Variants in ODF2L observed in about 807,000 individuals in gnomAD.
The protein encoded by ODF2L is protein BCAP.
In ODF2L, 76 loss-of-function variants were observed where a neutral mutation model predicts 86.3. The observed-to-expected ratio is 0.88, with a 90% CI of 0.73 to 1.07. ODF2L has a LOEUF of 1.07. Ranked by LOEUF, ODF2L falls within the 50% of genes least tolerant of loss-of-function variation. The pLI is 0.00. For missense variants in ODF2L, 748 were observed against 717.4 expected (o/e 1.04, Z -0.49); for synonymous variants, 241 against 231.3 (o/e 1.04, Z -0.38).
At chr1:86,355,636 A>C (rs1454195977) in intron 14 of ODF2L, among the ~76,000 whole-genome samples, 1 of 152,126 alleles carries the variant, frequency 6.6e-6, no homozygotes, top group Admixed American at 6.6e-5. Context: ...ATCAAGTATT[A>C]AGCCTAGTAC....
At chr1:86,385,294 G>T (rs1660867560) in intron 3 of ODF2L, among the ~76,000 whole-genome samples, 164 bp downstream of exon 3, 1 of 151,954 alleles carries the variant, frequency 6.6e-6, no homozygotes, top group Non-Finnish European at 1.5e-5. Context: ...TTCAGGAAAA[G>T]AACTGTAGTT....
chr1:86,358,443 C>T (rs1658758690), intron 13 of ODF2L: 1 of 153,322 alleles, frequency 6.5e-6, no homozygotes, highest in South Asian at 2.1e-4. Context: ...CATTTATAAC[C>T]AGAAAAAAAG....
chr1:86,360,403 A>G (rs759449407), intron 12 of ODF2L, 23 bp downstream of exon 11: 1 of 1,042,406 alleles, frequency 9.6e-7, no homozygotes, highest in Non-Finnish European at 1.5e-6. Context: ...TTTAGTAAAC[A>G]CTAAAATAAA....
chr1:86,383,240 C>G lies in ODF2L; in HGVS notation c.373-44G>C, dbSNP rs746224740. On this transcript the variant is annotated intron_variant, in intron 4 of 17. Coordinates refer to ENST00000317336, the Ensembl canonical transcript of ODF2L. The stretch of plus-strand genomic sequence containing the variant: ...AAATCAGTGATCGCAAATTATATTT[C>G]TCTATATAAAAAAGTAGGAAGTGAA... The G allele has an allele frequency of 1.4e-5, 14 of 1,007,888 alleles. No homozygotes were observed. In the East Asian group the frequency reaches 3.3e-4, roughly 24 times the overall value. 62.4% of individuals were successfully genotyped at this position (1,007,888 alleles called of 1,614,324 possible).
chr1:86,384,097 A>C (rs1279333619), intron 4 of ODF2L, among the ~76,000 whole-genome samples: 2 of 151,848 alleles, frequency 1.3e-5, no homozygotes, highest in African/African-American at 4.8e-5. Flanking sequence ...GTAACTTTTT[A>C]ATTACAAAAA....
intron 11 of ODF2L, among the ~76,000 whole-genome samples, chr1:86,361,381 T>C (rs964202612): frequency 1.3e-5 from 2 of 152,194 alleles, no homozygotes; most frequent in African/African-American, 2.4e-5. Context: ...AAATTTCTTA[T>C]AGCAGGCAGT....
chr1:86,371,001 ACACT>A lies in ODF2L; in HGVS notation c.1056+13_1056+16del. On this transcript the variant is annotated intron_variant, in intron 10 of 17. Transcript: ENST00000317336. ...CATTACACAATACATGCCTGCTCAA[ACACT>A]CATACATAGTACCTTTAATTTTGTA... 1 of 1,510,664 alleles carries A rather than the reference ACACT, an allele frequency of 6.6e-7. No individual in the cohort carries two copies. The highest frequency in any genetic ancestry group is 2.3e-5 in the East Asian group (1 of 42,958). 93.6% of individuals were successfully genotyped at this position (1,510,664 alleles called of 1,614,324 possible).
intron 12 of ODF2L, among the ~76,000 whole-genome samples, chr1:86,360,026 A>G (rs1658920772): frequency 6.6e-6 from 1 of 152,160 alleles, no homozygotes. Context: ...AATAATCTGA[A>G]TTATACTTTA....
intron 4 of ODF2L, 116 bp from the exon 5 acceptor site, chr1:86,383,312 A>T (rs1375666786): frequency 1.2e-5 from 6 of 515,992 alleles, no homozygotes; most frequent in Non-Finnish European, 2.0e-5. Flanking sequence ...TCAGATTTTT[A>T]AAAGAGTTAA....
chr1:86,396,061 G>T (rs1167331481), exon 1 of ODF2L: 1 of 152,350 alleles, frequency 6.6e-6, no homozygotes, highest in Non-Finnish European at 1.5e-5. Context: ...GCACGTCGTC[G>T]TGACGACAGC....
At chr1:86,357,710 A>G (rs1658695525) in intron 13 of ODF2L, 3 of 968,542 alleles carry the variant, frequency 3.1e-6, no homozygotes, top group South Asian at 9.5e-5. Flanking sequence ...TGAGAAAACC[A>G]GGAGACTTAA....
intron 7 of ODF2L, among the ~76,000 whole-genome samples, chr1:86,379,970 C>T (rs982229492): frequency 2.0e-5 from 3 of 152,038 alleles, no homozygotes; most frequent in African/African-American, 7.2e-5. Context: ...AACTCAGATG[C>T]TTTTATTTCA....
chr1:86,353,111 G>A, intron 16 of ODF2L, 127 bp from the exon 16 acceptor site: 1 of 632,500 alleles, frequency 1.6e-6, no homozygotes, highest in Non-Finnish European at 2.7e-6. Context: ...GTTTAAAGAT[G>A]TTCTATCTTG....
intron 1 of ODF2L, among the ~76,000 whole-genome samples, chr1:86,394,599 C>T (rs12033867): frequency 0.32 from 48,253 of 151,970 alleles, 7,787 homozygotes; most frequent in East Asian, 0.41. Context: ...GCACAGACTA[C>T]AATTCTAAAG....
At chr1:86,356,564 C>T (rs776812986) in exon 14 of ODF2L, 5 of 1,614,032 alleles carry the variant, frequency 3.1e-6, no homozygotes, top group Admixed American at 3.3e-5. Context: ...CGCAGACACG[C>T]TCTAACTCCT....
chr1:86,377,131 A>C (rs1660228767), intron 7 of ODF2L, among the ~76,000 whole-genome samples: 1 of 152,176 alleles, frequency 6.6e-6, no homozygotes, highest in African/African-American at 2.4e-5. Flanking sequence ...AAATGAAATA[A>C]ATTGGCCAAA....
At chr1:86,383,907 ATAG>A (rs922426155) in intron 4 of ODF2L, among the ~76,000 whole-genome samples, 17 of 151,806 alleles carry the variant, frequency 1.1e-4, no homozygotes, top group African/African-American at 1.9e-4. Context: ...CAAAACAAAG[ATAG>A]TAGTTTTACT....
intron 10 of ODF2L, among the ~76,000 whole-genome samples, chr1:86,370,648 T>C (rs745561375): frequency 3.9e-5 from 6 of 152,142 alleles, no homozygotes; most frequent in Non-Finnish European, 5.9e-5. Flanking sequence ...TATGAGTAAG[T>C]TGGAAAATTC....
chr1:86,348,680 AT>A, downstream of ODF2L: 3 of 1,244,346 alleles, frequency 2.4e-6, no homozygotes, highest in Non-Finnish European at 3.1e-6. Context: ...TAGTATATTT[AT>A]TTTTTTACCC....
Sources: allele counts gnomAD v4.1 joint callset (sites outside exome capture counted in the v4.1 genomes callset), GRCh38; gene constraint gnomAD v4.1.1; transcripts MANE v1.5; gene names NCBI Gene and HGNC (gene_info 2026-07-23, HGNC 2026-07-21).